Variants in CSMD1 observed in about 807,000 individuals in gnomAD.
The protein encoded by CSMD1 is CUB and Sushi multiple domains 1.
Under a neutral mutation model 417.5 loss-of-function variants are expected in CSMD1, and 213 were observed. That is an observed-to-expected ratio of 0.51 (90% CI 0.46 to 0.57). The LOEUF is 0.57. Among genes scored for constraint, CSMD1 ranks in the 20% least tolerant of loss-of-function variants. The pLI, the probability that CSMD1 is intolerant of heterozygous loss-of-function variation, is 0.00. For missense variants in CSMD1, 6,923 were observed against 4,529.7 expected, an observed-to-expected ratio of 1.53 and a Z score of -15.17; for synonymous variants, 2,862 against 1,736.8, an observed-to-expected ratio of 1.65 and a Z score of -16.11.
At chr8:3,178,897 C>T (rs757969313) in intron 37 of CSMD1, among the ~76,000 whole-genome samples, 41 of 151,702 alleles carry the variant, frequency 2.7e-4, no homozygotes, top group African/African-American at 8.2e-4. Context: ...TACCATTTGA[C>T]GCTAATTGTA....
rs568102946 is a variant in CSMD1 at position 4,199,282 on chromosome 8, A to G, written c.416-167183T>C. The stretch of plus-strand genomic sequence containing the variant: ...AATTCATACATCTTCTGCTATGGTC[A>G]TTGATATGCAGGCAGTGTATGGGTG... On this transcript the variant is annotated intron_variant, in intron 3 of 69. Transcript: ENST00000635120. Among the ~76,000 whole-genome samples, 7 of 152,320 alleles carry G rather than the reference A, an allele frequency of 4.6e-5. No individual in the cohort carries two copies. The East Asian group carries it at 1.3e-3, about 29-fold the overall frequency.
At chr8:4,148,868 C>G (rs997609769) in intron 3 of CSMD1, among the ~76,000 whole-genome samples, 3 of 152,152 alleles carry the variant, frequency 2.0e-5, no homozygotes, top group Admixed American at 6.5e-5. Flanking sequence ...GGCACATGGT[C>G]GAGAGACACA....
chr8:3,551,825 G>C lies in CSMD1; in HGVS notation c.1344+23120C>G, dbSNP rs143544271. Among the ~76,000 whole-genome samples the C allele has an allele frequency of 5.3e-3, 813 of 152,206 alleles. 7 individuals are homozygous for C. Among genetic ancestry groups the C allele is most frequent in the Non-Finnish European group, 7.5e-3 (511 of 68,026 alleles). ...AGTGTGACATGCAGTACCTGCATCAGTCTAGACGTGGCTTTAGCTACTGAA... is the reference window on the plus strand; with the variant it reads ...AGTGTGACATGCAGTACCTGCATCACTCTAGACGTGGCTTTAGCTACTGAA... On this transcript the variant is annotated intron_variant, in intron 10 of 69. Coordinates refer to ENST00000635120, the MANE Select transcript of CSMD1 (RefSeq NM_033225.6).
In CSMD1 at chr8:4,460,795, A is replaced by G. The variant is rs1017341824; in HGVS notation, c.303-40730T>C. On this transcript the variant is annotated intron_variant, in intron 2 of 69. Coordinates refer to ENST00000635120, the MANE Select transcript of CSMD1 (RefSeq NM_033225.6). ...AAGGTAGTAATTTTAAAATTATGCT[A>G]AAGAAAATTCCAGGCTCAAATGGCT... Among the ~76,000 whole-genome samples, 8 of 152,188 alleles carry G rather than the reference A, an allele frequency of 5.3e-5. No homozygotes were observed. The East Asian group carries it at 1.3e-3, about 26-fold the overall frequency.
chr8:4,947,200 G>C (rs1344078194), intron 1 of CSMD1, among the ~76,000 whole-genome samples: 1 of 152,098 alleles, frequency 6.6e-6, no homozygotes, highest in Non-Finnish European at 1.5e-5. Context: ...TACATTCACT[G>C]CTGTTATCTA....
chr8:4,497,426 C>T (rs185557984), intron 2 of CSMD1, among the ~76,000 whole-genome samples: 3 of 152,252 alleles, frequency 2.0e-5, no homozygotes, highest in Non-Finnish European at 2.9e-5. Context: ...AAATATTAAC[C>T]GCTTTTCAAT....
At chr8:4,354,142 A>C (rs1320170578) in intron 3 of CSMD1, among the ~76,000 whole-genome samples, 2 of 152,174 alleles carry the variant, frequency 1.3e-5, no homozygotes, top group African/African-American at 2.4e-5. Flanking sequence ...AAATTTTAAA[A>C]ATTTAAATGT....
intron 7 of CSMD1, among the ~76,000 whole-genome samples, chr8:3,640,641 A>T (rs188716224): frequency 7.9e-5 from 12 of 152,354 alleles, no homozygotes; most frequent in African/African-American, 2.6e-4. Flanking sequence ...TGCTACGTAA[A>T]TTAGATATTC....
intron 10 of CSMD1, among the ~76,000 whole-genome samples, chr8:3,550,118 C>T (rs1361080392): frequency 6.6e-6 from 1 of 152,066 alleles, no homozygotes; most frequent in Non-Finnish European, 1.5e-5. Context: ...AAAAAGTGTC[C>T]CATTGGGATC....
chr8:3,342,381 C>T (rs1008168249), intron 23 of CSMD1, among the ~76,000 whole-genome samples: 1 of 152,042 alleles, frequency 6.6e-6, no homozygotes, highest in African/African-American at 2.4e-5. Context: ...GCTCAAAAAC[C>T]CAAACTTTTA....
At chr8:4,387,736 T>TG (rs1803552818) in intron 3 of CSMD1, among the ~76,000 whole-genome samples, 1 of 152,062 alleles carries the variant, frequency 6.6e-6, no homozygotes, top group Non-Finnish European at 1.5e-5. Flanking sequence ...AATAGACATA[T>TG]TTCTACAACA....
At chr8:4,425,072 T>C (rs1200794503) in intron 2 of CSMD1, among the ~76,000 whole-genome samples, 1 of 152,098 alleles carries the variant, frequency 6.6e-6, no homozygotes, top group Non-Finnish European at 1.5e-5. Context: ...ATTGCCCATC[T>C]TGAAGTTTTA....
chr8:4,244,426 C>T (rs1504769), intron 3 of CSMD1, among the ~76,000 whole-genome samples: 10,076 of 152,006 alleles, frequency 0.066, 486 homozygotes, highest in East Asian at 0.16. Flanking sequence ...AAAAGCAGGC[C>T]TGTATATTTT....
At chr8:4,699,823 G>A (rs943261372) in intron 1 of CSMD1, among the ~76,000 whole-genome samples, 4 of 152,186 alleles carry the variant, frequency 2.6e-5, no homozygotes, top group African/African-American at 4.8e-5. Context: ...AGGTCTTGCC[G>A]ATGCAGAGAG....
chr8:4,062,832 G>T (rs1012989843), intron 3 of CSMD1, among the ~76,000 whole-genome samples: 3 of 151,680 alleles, frequency 2.0e-5, no homozygotes, highest in Non-Finnish European at 4.4e-5. Flanking sequence ...AGGTCTTTGT[G>T]TGTCAAAACC....
intron 10 of CSMD1, among the ~76,000 whole-genome samples, chr8:3,565,671 G>C (rs769843208): frequency 2.0e-5 from 3 of 152,134 alleles, no homozygotes; most frequent in Non-Finnish European, 4.4e-5. Context: ...AAACAGATCT[G>C]ATAAACATAT....
intron 50 of CSMD1, among the ~76,000 whole-genome samples, chr8:3,033,885 G>A (rs1810500697): frequency 6.6e-6 from 1 of 152,172 alleles, no homozygotes; most frequent in South Asian, 2.1e-4. Context: ...ACAGCAAACT[G>A]CAACTCAACT....
At position 4,085,191 on chromosome 8, in the gene CSMD1, C is replaced by T. The variant is rs577941345; in HGVS notation, c.416-53092G>A. Among the ~76,000 whole-genome samples the T allele has an allele frequency of 2.6e-5, 4 of 152,250 alleles. No homozygotes were observed. In the South Asian group the frequency reaches 6.2e-4, roughly 24 times the overall value. On this transcript the variant is annotated intron_variant, in intron 3 of 69. Coordinates refer to ENST00000635120, the MANE Select transcript of CSMD1 (RefSeq NM_033225.6). Reference sequence around the variant, plus strand: ...CTCTGCTGAGGATGGCAGCACAGTGCCTGCAACTTCAGCCCAGCTAGACAT... The same window carrying T: ...CTCTGCTGAGGATGGCAGCACAGTGTCTGCAACTTCAGCCCAGCTAGACAT...
chr8:3,879,055 A>C (rs190406470), intron 5 of CSMD1, among the ~76,000 whole-genome samples: 111 of 152,330 alleles, frequency 7.3e-4, no homozygotes, highest in African/African-American at 2.5e-3. Flanking sequence ...TTCTCTAAGA[A>C]CAGGGATAGC....
Sources: allele counts gnomAD v4.1 joint callset (sites outside exome capture counted in the v4.1 genomes callset), GRCh38; gene constraint gnomAD v4.1.1; transcripts MANE v1.5; gene names NCBI Gene and HGNC (gene_info 2026-07-23, HGNC 2026-07-21).